The following ERCC8 variants were observed in gnomAD, a reference collection of about 807,000 sequenced individuals.
ERCC8 encodes ERCC excision repair 8, CSA ubiquitin ligase complex subunit.
In ERCC8, 52 loss-of-function variants were observed where a neutral mutation model predicts 54.9. The ratio of observed to expected loss-of-function variants is 0.95; its 90% confidence interval spans 0.76 to 1.19. ERCC8 has a LOEUF of 1.19. Among genes scored for constraint, ERCC8 ranks in the 50% most tolerant of loss-of-function variants. The pLI, the probability that ERCC8 is intolerant of heterozygous loss-of-function variation, is 0.00. For missense variants in ERCC8, 514 were observed against 466.1 expected (o/e 1.10, Z -0.95); for synonymous variants, 146 against 157.2 (o/e 0.93, Z 0.53).
chr5:60,931,909 C>T (rs542634320), intron 1 of ERCC8, among the ~76,000 whole-genome samples: 2 of 152,250 alleles, frequency 1.3e-5, no homozygotes, highest in East Asian at 1.9e-4. Flanking sequence ...ATATATTTAT[C>T]AATCCCCTGT....
chr5:60,935,982 T>C (rs1331727919), intron 1 of ERCC8, among the ~76,000 whole-genome samples: 1 of 152,188 alleles, frequency 6.6e-6, no homozygotes, highest in Admixed American at 6.5e-5. Flanking sequence ...TCATCAGGGA[T>C]GTTGGTCTGC....
chr5:60,892,891 G>C (rs1398846480), intron 9 of ERCC8: 2 of 716,870 alleles, frequency 2.8e-6, no homozygotes, highest in Admixed American at 3.9e-5. Flanking sequence ...ATATTGGGAA[G>C]GCCTACAATG....
Position 60,868,874 on chromosome 5 carries a change from G to A in ERCC8, c.*5741C>T, listed in dbSNP as rs535822674. ...TGAGCCCTAGATTTAACCTTCCGAT[G>A]TCCAGAAATTCATTACAATAGAAAG... On this transcript the variant is annotated 3_prime_UTR_variant, in exon 12 of 12. Transcript: ENST00000676185. Among the ~76,000 whole-genome samples, 4 of 152,276 alleles carry A rather than the reference G, an allele frequency of 2.6e-5. No individual in the cohort carries two copies. The highest frequency in any genetic ancestry group is 7.2e-5 in the African/African-American group (3 of 41,574).
intron 7 of ERCC8, chr5:60,900,614 T>C (rs1274773743): frequency 2.0e-5 from 3 of 152,120 alleles, no homozygotes; most frequent in African/African-American, 7.2e-5. Flanking sequence ...CCATCAAACC[T>C]AGCCAACTGG....
intron 11 of ERCC8, among the ~76,000 whole-genome samples, chr5:60,880,452 C>T (rs1013550290): frequency 9.9e-5 from 15 of 152,178 alleles, no homozygotes; most frequent in African/African-American, 2.4e-4. Flanking sequence ...TAATATCCTG[C>T]AGAGTGTTTT....
chr5:60,896,134 C>T (rs537658895), intron 9 of ERCC8, among the ~76,000 whole-genome samples: 51 of 151,976 alleles, frequency 3.4e-4, no homozygotes, highest in South Asian at 6.2e-4. Context: ...TACAGGCATG[C>T]GCCACCATGC....
At chr5:60,898,520 G>C in intron 8 of ERCC8, 120 bp from the exon 9 acceptor site, 1 of 1,063,542 alleles carries the variant, frequency 9.4e-7, no homozygotes, top group Non-Finnish European at 1.4e-6. Context: ...AATGTAAGTA[G>C]ATTATACTTA....
At chr5:60,909,995 A>G (rs1356497585) in intron 4 of ERCC8, 1 of 152,080 alleles carries the variant, frequency 6.6e-6, no homozygotes, top group African/African-American at 2.4e-5. Flanking sequence ...AAAAGAATAC[A>G]GTATGTATTA....
chr5:60,943,046 G>A (rs1425591796), intron 1 of ERCC8, among the ~76,000 whole-genome samples: 3 of 152,160 alleles, frequency 2.0e-5, no homozygotes, highest in Non-Finnish European at 4.4e-5. Context: ...AAAGGCAGGA[G>A]GATCACTTCA....
rs147097126 is a variant in ERCC8 at position 60,927,455 on chromosome 5, T to C, written c.173+1409A>G. Among the ~76,000 whole-genome samples, 136 of 152,390 alleles carry C rather than the reference T, an allele frequency of 8.9e-4. 1 individual carries two copies. The highest frequency in any genetic ancestry group is 3.2e-3 in the African/African-American group (132 of 41,592). ...ACCGTGCAATAAAGCGGAAAATCAC[T>C]GTAGCAAGAGTCTTCAGACTTTTCT... On this transcript the variant is annotated intron_variant, in intron 2 of 11. Transcript: ENST00000676185.
Position 60,869,348 on chromosome 5 carries a change from T to C in ERCC8, c.*5267A>G, listed in dbSNP as rs1403499106. On this transcript the variant is annotated 3_prime_UTR_variant, in exon 12 of 12. Transcript: ENST00000676185. ...AATTGAGATTAGTTTGCTGATGCAA[T>C]ATTTTTCTACCACTGTCTCATTTCG... Among the ~76,000 whole-genome samples, 2 of 152,214 alleles carry C rather than the reference T, an allele frequency of 1.3e-5. No individual in the cohort carries two copies. The highest frequency in any genetic ancestry group is 4.8e-5 in the African/African-American group (2 of 41,462).
intron 3 of ERCC8, 165 bp from the exon 4 acceptor site, chr5:60,918,553 C>T: frequency 1.6e-6 from 1 of 633,180 alleles, no homozygotes; most frequent in Non-Finnish European, 2.9e-6. Context: ...AATGTCCAGG[C>T]ATCTCTAGAT....
intron 1 of ERCC8, among the ~76,000 whole-genome samples, chr5:60,940,240 C>T (rs1194454597): frequency 6.6e-6 from 1 of 152,164 alleles, no homozygotes; most frequent in Non-Finnish European, 1.5e-5. Context: ...TACTTGAGGA[C>T]TCTGAAAAGT....
intron 2 of ERCC8, among the ~76,000 whole-genome samples, chr5:60,925,226 G>T (rs912559505): frequency 4.6e-5 from 7 of 151,994 alleles, no homozygotes; most frequent in African/African-American, 1.5e-4. Flanking sequence ...TTTTTGGGGG[G>T]TAAGATTTCA....
At chr5:60,878,143 C>T (rs962957678) in intron 11 of ERCC8, among the ~76,000 whole-genome samples, 23 of 152,236 alleles carry the variant, frequency 1.5e-4, no homozygotes, top group African/African-American at 5.5e-4. Flanking sequence ...TGGTTTTTGT[C>T]ATTGGTTCTG....
In ERCC8 at chr5:60,935,130, T is replaced by C. The variant is rs558197319; in HGVS notation, c.78-6171A>G. Reference sequence around the variant, plus strand: ...AATTTGTAGATTGTTTTTGGCAGTATGGTTATTTTCGCAATATTGATTCTA... The same window carrying C: ...AATTTGTAGATTGTTTTTGGCAGTACGGTTATTTTCGCAATATTGATTCTA... On this transcript the variant is annotated intron_variant, in intron 1 of 11. Coordinates refer to ENST00000676185, the MANE Select transcript of ERCC8 (RefSeq NM_000082.4). Among the ~76,000 whole-genome samples the C allele has an allele frequency of 1.1e-4, 16 of 152,336 alleles. 1 individual carries two copies. The highest frequency in any genetic ancestry group is 1.0e-3 in the Admixed American group (16 of 15,304).
chr5:60,876,972 T>C (rs916389854), intron 11 of ERCC8, among the ~76,000 whole-genome samples: 1 of 152,194 alleles, frequency 6.6e-6, no homozygotes, highest in Non-Finnish European at 1.5e-5. Context: ...ATGTCCTGAA[T>C]GGTAATGCCT....
At chr5:60,883,915 A>G (rs1748318608) in intron 11 of ERCC8, among the ~76,000 whole-genome samples, 1 of 152,226 alleles carries the variant, frequency 6.6e-6, no homozygotes, top group Non-Finnish European at 1.5e-5. Flanking sequence ...GTTAAAGACC[A>G]TAAATCCTGT....
chr5:60,885,466 G>C (rs1748367738), intron 11 of ERCC8, among the ~76,000 whole-genome samples: 1 of 151,986 alleles, frequency 6.6e-6, no homozygotes, highest in Non-Finnish European at 1.5e-5. Flanking sequence ...GTGTTAACTT[G>C]GGTTTAATGT....
Sources: gnomAD v4.1 joint callset for allele counts (sites outside exome capture counted in the v4.1 genomes callset) on GRCh38, gnomAD v4.1.1 for gene constraint, MANE v1.5 for transcripts, NCBI Gene and HGNC (gene_info 2026-07-23, HGNC 2026-07-21) for gene names.